Variants in H2BN1 observed in about 807,000 individuals in gnomAD.
The protein encoded by H2BN1 is histone H2B.N.
At chr17:32,905,010 C>G in the H2BN1 span, among the ~76,000 whole-genome samples, 7,636 of 152,112 alleles carry the variant, frequency 0.05, 627 homozygotes, top group African/African-American at 0.17. Context: ...TTAAGACCAG[C>G]TGGTTGTTGA....
the H2BN1 span, among the ~76,000 whole-genome samples, chr17:32,899,655 G>A: frequency 1.3e-5 from 2 of 152,122 alleles, no homozygotes; most frequent in Non-Finnish European, 2.9e-5. Flanking sequence ...CAAAAGTTAA[G>A]AATACTCATA....
chr17:32,902,819 G>A, the H2BN1 span, among the ~76,000 whole-genome samples: 1 of 146,658 alleles, frequency 6.8e-6, no homozygotes, highest in African/African-American at 2.6e-5. Flanking sequence ...CAGCCTGGGC[G>A]ACAGAGCGAG....
chr17:32,901,987 C>T, the H2BN1 span, among the ~76,000 whole-genome samples: 1 of 151,874 alleles, frequency 6.6e-6, no homozygotes, highest in East Asian at 1.9e-4. Flanking sequence ...ACAGACTGTT[C>T]ATAACATGTT....
At chr17:32,902,706 G>T in the H2BN1 span, among the ~76,000 whole-genome samples, 2 of 152,252 alleles carry the variant, frequency 1.3e-5, no homozygotes, top group Admixed American at 1.3e-4. Flanking sequence ...CAGGCGTGGT[G>T]GTGGGCACCT....
chr17:32,897,703 T>C, the H2BN1 span, among the ~76,000 whole-genome samples: 2 of 152,044 alleles, frequency 1.3e-5, no homozygotes, highest in African/African-American at 4.8e-5. Context: ...AAGAGTGCTG[T>C]TGAGTGTCAG....
chr17:32,904,096 T>A, the H2BN1 span, among the ~76,000 whole-genome samples: 1 of 152,172 alleles, frequency 6.6e-6, no homozygotes, highest in East Asian at 1.9e-4. Context: ...TGTTGGAGAT[T>A]TCCCTGTGGG....
the H2BN1 span, among the ~76,000 whole-genome samples, chr17:32,898,911 G>T: frequency 2.6e-5 from 4 of 152,224 alleles, no homozygotes; most frequent in Non-Finnish European, 4.4e-5. Flanking sequence ...CAGTTCGTAG[G>T]GTTTTATGAA....
chr17:32,897,776 C>T, the H2BN1 span, among the ~76,000 whole-genome samples: 1 of 152,012 alleles, frequency 6.6e-6, no homozygotes, highest in Non-Finnish European at 1.5e-5. Flanking sequence ...GGGACACATC[C>T]GAGGAAGACC....
chr17:32,897,984 G>T, the H2BN1 span, among the ~76,000 whole-genome samples: 1 of 152,174 alleles, frequency 6.6e-6, no homozygotes, highest in African/African-American at 2.4e-5. Context: ...AGTCACAAAG[G>T]TTGAAGTGAC....
chr17:32,899,902 T>G, the H2BN1 span, among the ~76,000 whole-genome samples: 1 of 152,240 alleles, frequency 6.6e-6, no homozygotes, highest in Non-Finnish European at 1.5e-5. Flanking sequence ...CCATGAATCT[T>G]AAACATTTTT....
At chr17:32,897,212 G>A in the H2BN1 span, among the ~76,000 whole-genome samples, 2 of 152,196 alleles carry the variant, frequency 1.3e-5, no homozygotes, top group African/African-American at 2.4e-5. Flanking sequence ...ACAATCCTGC[G>A]GTGGGAGAGT....
At chr17:32,902,851 A>G in the H2BN1 span, among the ~76,000 whole-genome samples, 1 of 152,074 alleles carries the variant, frequency 6.6e-6, no homozygotes, top group African/African-American at 2.4e-5. Flanking sequence ...AAAAAAAAAA[A>G]AGAAATTACA....
the H2BN1 span, among the ~76,000 whole-genome samples, chr17:32,900,749 T>C: frequency 0.031 from 4,730 of 152,058 alleles, 247 homozygotes; most frequent in African/African-American, 0.1. Context: ...ACCTGGCTAA[T>C]TTTTTGTATT....
chr17:32,897,358 T>TACATACACAC, the H2BN1 span, among the ~76,000 whole-genome samples: 1 of 123,952 alleles, frequency 8.1e-6, no homozygotes, highest in African/African-American at 3.1e-5. Context: ...CTCTCTGTCT[T>TACATACACAC]ACACACACAC....
chr17:32,896,092 A>AT, the H2BN1 span, among the ~76,000 whole-genome samples: 4 of 151,438 alleles, frequency 2.6e-5, no homozygotes, highest in African/African-American at 9.7e-5. Flanking sequence ...GTGGGTTTTT[A>AT]TTTTTTTTAG....
the H2BN1 span, among the ~76,000 whole-genome samples, chr17:32,900,836 C>T: frequency 6.6e-6 from 1 of 152,074 alleles, no homozygotes; most frequent in Non-Finnish European, 1.5e-5. Flanking sequence ...CCACTTTGGC[C>T]TCCCAAAGTG....
chr17:32,901,575 G>C, the H2BN1 span, among the ~76,000 whole-genome samples: 1 of 152,140 alleles, frequency 6.6e-6, no homozygotes, highest in South Asian at 2.1e-4. Context: ...CAGTGTTTAA[G>C]ATTTAGCAGG....
At chr17:32,898,053 G>C in the H2BN1 span, among the ~76,000 whole-genome samples, 1 of 152,100 alleles carries the variant, frequency 6.6e-6, no homozygotes, top group Non-Finnish European at 1.5e-5. Flanking sequence ...CCAAATTCCC[G>C]TCCCTCTCTT....
At chr17:32,901,743 C>G in the H2BN1 span, among the ~76,000 whole-genome samples, 3 of 152,056 alleles carry the variant, frequency 2.0e-5, no homozygotes, top group African/African-American at 7.2e-5. Flanking sequence ...CTGAAAATGG[C>G]GAGATGCAAT....
Sources: allele counts gnomAD v4.1 joint callset (sites outside exome capture counted in the v4.1 genomes callset), GRCh38; gene constraint gnomAD v4.1.1; transcripts MANE v1.5; gene names NCBI Gene and HGNC (gene_info 2026-07-23, HGNC 2026-07-21).